The following FAH variants were observed in gnomAD, a reference collection of about 807,000 sequenced individuals.
The protein encoded by FAH is fumarylacetoacetate hydrolase.
A neutral mutation model predicts 55.8 loss-of-function variants in FAH; 47 were observed. That is an observed-to-expected ratio of 0.84 (90% CI 0.67 to 1.07). The LOEUF (loss-of-function observed/expected upper bound fraction) is 1.07. FAH is among the 50% of genes least tolerant of loss of function. FAH has a pLI of 0.00. For missense variants in FAH, 495 were observed against 545.9 expected (o/e 0.91, Z 0.93); for synonymous variants, 199 against 207.7 (o/e 0.96, Z 0.36).
At chr15:80,172,922 G>A (rs2041252923) in intron 8 of FAH, 92 bp from the exon 9 acceptor site, 3 of 1,547,676 alleles carry the variant, frequency 1.9e-6, no homozygotes, top group East Asian at 4.5e-5. Flanking sequence ...GCAGTGCTAG[G>A]TGTCTCTGCT....
chr15:80,155,626 G>A (rs1358985378), intron 1 of FAH, among the ~76,000 whole-genome samples: 1 of 152,164 alleles, frequency 6.6e-6, no homozygotes, highest in African/African-American at 2.4e-5. Context: ...AGAGAGAACA[G>A]CTGGGCCCGG....
chr15:80,170,409 C>T (rs1044432301), intron 7 of FAH, among the ~76,000 whole-genome samples: 1 of 152,192 alleles, frequency 6.6e-6, no homozygotes. Flanking sequence ...CTGGAGCTCC[C>T]TGTCTCTCCT....
In FAH at chr15:80,168,108, C is replaced by A. The variant is rs1333709068; in HGVS notation, c.512C>A (p.Thr171Asn). Residue 171 changes from threonine to asparagine, a missense_variant, in exon 6 of 14, where the codon ACC becomes AAC. Transcript: ENST00000561421. ...GRASSVVVSG[T>N]PIRRPMGQMK... ...GCCTCCTCTGTCGTGGTGTCTGGCA[C>A]CCCAATCCGAAGGCCCATGGGACAG... The A allele has an allele frequency of 6.2e-7, 1 of 1,614,160 alleles. No homozygotes were observed. The highest frequency in any genetic ancestry group is 1.3e-5 in the African/African-American group (1 of 75,024).
rs1801374 is a variant in FAH, at chr15:80,180,219, C to G, written c.1056C>G (p.Ser352Arg). The change falls in exon 12 of 14, where the codon AGC becomes AGG. Residue 352 changes from serine to arginine, a missense_variant. Transcript: ENST00000561421. Reference protein sequence around the residue: ...PGDLLASGTISGPEPENFGSM... With the variant: ...PGDLLASGTIRGPEPENFGSM... Reference sequence around the variant, plus strand: ...ACCTCCTGGCTTCTGGGACCATCAGCGGGCCGGTGAGTATCTGGCTGCACT... The same window carrying G: ...ACCTCCTGGCTTCTGGGACCATCAGGGGGCCGGTGAGTATCTGGCTGCACT... 48 of 1,605,678 alleles carry G rather than the reference C, an allele frequency of 3.0e-5. No homozygotes were observed. The highest frequency in any genetic ancestry group is 4.1e-5 in the Non-Finnish European group (48 of 1,179,610).
intron 3 of FAH, 123 bp from the exon 4 acceptor site, chr15:80,160,287 G>C: frequency 2.0e-6 from 2 of 996,608 alleles, no homozygotes; most frequent in Non-Finnish European, 3.2e-6. Flanking sequence ...TCTGGCCCCA[G>C]GCCAGCCAGA....
intron 13 of FAH, among the ~76,000 whole-genome samples, chr15:80,184,960 C>T (rs887565205): frequency 6.6e-6 from 1 of 152,140 alleles, no homozygotes; most frequent in Non-Finnish European, 1.5e-5. Context: ...CTCTGTATCT[C>T]TCGTCTGGAC....
Position 80,172,894 on chromosome 15 carries a change from C to A in FAH, c.707-120C>A, listed in dbSNP as rs544754981. ...TTGTCCTGGGGCAGCCTGACTGGGGCTGATCTTTGTGGAGATGGCAGTGCT... is the reference window on the plus strand; with the variant it reads ...TTGTCCTGGGGCAGCCTGACTGGGGATGATCTTTGTGGAGATGGCAGTGCT... On this transcript the variant is annotated intron_variant, in intron 8 of 13. Transcript: ENST00000561421. The A allele has an allele frequency of 1.2e-3, 1,663 of 1,332,132 alleles. 2 individuals are homozygous for A. Among genetic ancestry groups the A allele is most frequent in the Non-Finnish European group, 1.6e-3 (1,543 of 943,172 alleles). 82.5% of individuals were successfully genotyped at this position (1,332,132 alleles called of 1,614,324 possible).
intron 5 of FAH, among the ~76,000 whole-genome samples, chr15:80,166,635 CTTTTTTT>C (rs768001652): frequency 2.5e-5 from 3 of 118,340 alleles, no homozygotes; most frequent in South Asian, 5.5e-4. Context: ...TTTGCATTTT[CTTTTTTT>C]TTTTTTTTTT....
intron 12 of FAH, among the ~76,000 whole-genome samples, chr15:80,180,819 G>A (rs1204821850): frequency 6.6e-6 from 1 of 152,144 alleles, no homozygotes; most frequent in Non-Finnish European, 1.5e-5. Context: ...CTAAACAAGC[G>A]ATGTCCTTAG....
At chr15:80,153,269 C>A in intron 1 of FAH, 134 bp downstream of exon 1, 2 of 765,436 alleles carry the variant, frequency 2.6e-6, no homozygotes, top group South Asian at 1.5e-5. Flanking sequence ...TCTTAAGATT[C>A]GTTCCGTGAG....
At chr15:80,154,914 G>T (rs17217997) in intron 1 of FAH, among the ~76,000 whole-genome samples, 8,599 of 152,178 alleles carry the variant, frequency 0.057, 325 homozygotes, top group South Asian at 0.082. Context: ...AGCTGGTTTT[G>T]CCGGGTGCCT....
At chr15:80,180,777 A>ACT (rs368412845) in intron 12 of FAH, among the ~76,000 whole-genome samples, 4 of 152,168 alleles carry the variant, frequency 2.6e-5, no homozygotes, top group South Asian at 2.1e-4. Context: ...TGCAGGGGGC[A>ACT]CTGGGCACTC....
At position 80,162,234 on chromosome 15, in the gene FAH, T is replaced by C; in HGVS notation, c.365-12T>C. The C allele has an allele frequency of 1.9e-6, 3 of 1,611,966 alleles. No individual in the cohort carries two copies. The highest frequency in any genetic ancestry group is 2.2e-5 in the South Asian group (2 of 91,022). On this transcript the variant is annotated splice_polypyrimidine_tract_variant and intron_variant, in intron 4 of 13. Transcript: ENST00000561421. ...GGTTGCTGATGGGATCTGTTGGGTC[T>C]TTCCTCTGCAGGAGACTACACAGAC...
intron 7 of FAH, among the ~76,000 whole-genome samples, chr15:80,171,253 C>A (rs1287213331): frequency 6.6e-6 from 1 of 151,874 alleles, no homozygotes; most frequent in East Asian, 1.9e-4. Context: ...CTTCCCCCCA[C>A]CCCACAACAG....
intron 5 of FAH, among the ~76,000 whole-genome samples, chr15:80,164,022 A>G (rs2041171255): frequency 6.6e-6 from 1 of 152,270 alleles, no homozygotes; most frequent in Non-Finnish European, 1.5e-5. Flanking sequence ...TCTCACTTTT[A>G]TAAAAAAAGC....
chr15:80,174,019 T>G (rs1366518917), intron 9 of FAH, among the ~76,000 whole-genome samples: 1 of 152,186 alleles, frequency 6.6e-6, no homozygotes, highest in African/African-American at 2.4e-5. Flanking sequence ...ATGTTTGCTG[T>G]GCTACAAACA....
intron 11 of FAH, among the ~76,000 whole-genome samples, chr15:80,178,750 A>AT (rs1242827171): frequency 0.018 from 2,583 of 145,724 alleles, 69 homozygotes; most frequent in African/African-American, 0.06. Flanking sequence ...CGCCCGGCTA[A>AT]TTTTTTTTTT....
chr15:80,176,445 A>G (rs935988393), intron 10 of FAH, among the ~76,000 whole-genome samples: 2 of 152,140 alleles, frequency 1.3e-5, no homozygotes, highest in Non-Finnish European at 2.9e-5. Context: ...ACACTGCAGG[A>G]GCTGTCGCCA....
At chr15:80,186,433 T>G (rs1160537786), downstream of FAH, 2 of 606,050 alleles carry the variant, frequency 3.3e-6, no homozygotes, top group Non-Finnish European at 6.0e-6. Context: ...TTCATTAATA[T>G]GTTTTCTCAC....
Sources: allele counts gnomAD v4.1 joint callset (sites outside exome capture counted in the v4.1 genomes callset), GRCh38; gene constraint gnomAD v4.1.1; transcripts MANE v1.5; gene names NCBI Gene and HGNC (gene_info 2026-07-23, HGNC 2026-07-21).